SFMBT2: variants seen among roughly 807,000 people sequenced by gnomAD.
SFMBT2 encodes Scm like with four mbt domains 2.
SFMBT2 carries 38 observed loss-of-function variants against 110.1 expected under a neutral mutation model. The ratio of observed to expected loss-of-function variants is 0.35; its 90% CI spans 0.27 to 0.45. The LOEUF (loss-of-function observed/expected upper bound fraction) is 0.45, where lower values mean the gene tolerates loss of function less well. Ranked by LOEUF, SFMBT2 falls within the 20% of genes least tolerant of loss-of-function variation. SFMBT2 has a pLI of 1.00. For missense variants in SFMBT2, 1,011 were observed against 1,094.9 expected (o/e 0.92, Z 1.08); for synonymous variants, 425 against 425.4 (o/e 1.00, Z 0.01).
At chr10:7,315,353 T>A (rs919392692) in intron 4 of SFMBT2, among the ~76,000 whole-genome samples, 2 of 152,022 alleles carry the variant, frequency 1.3e-5, no homozygotes, top group African/African-American at 4.8e-5. Context: ...AGAACAAGAG[T>A]CTGATCCACC....
At chr10:7,225,742 C>T (rs1385150676) in intron 10 of SFMBT2, among the ~76,000 whole-genome samples, 1 of 152,088 alleles carries the variant, frequency 6.6e-6, no homozygotes, top group Non-Finnish European at 1.5e-5. Context: ...AGAAATCACT[C>T]TTTAAATATA....
intron 11 of SFMBT2, among the ~76,000 whole-genome samples, chr10:7,210,142 A>G (rs1839290826): frequency 6.6e-6 from 1 of 152,178 alleles, no homozygotes; most frequent in South Asian, 2.1e-4. Flanking sequence ...AGCAGGACAC[A>G]GAGGTCTACC....
intron 4 of SFMBT2, among the ~76,000 whole-genome samples, chr10:7,331,923 T>C (rs1190315687): frequency 1.4e-5 from 2 of 147,976 alleles, no homozygotes; most frequent in Non-Finnish European, 3.0e-5. Flanking sequence ...GGCATGAGAA[T>C]CGCTTGAAGC....
intron 12 of SFMBT2, chr10:7,203,189 T>A: frequency 2.3e-6 from 2 of 865,366 alleles, no homozygotes; most frequent in Non-Finnish European, 2.8e-6. Flanking sequence ...ACAAAACTTC[T>A]AAAGCTGCTA....
chr10:7,392,647 TCA>T (rs1013488504), intron 1 of SFMBT2, among the ~76,000 whole-genome samples: 22 of 152,224 alleles, frequency 1.4e-4, no homozygotes, highest in African/African-American at 5.3e-4. Flanking sequence ...TTATTTTATC[TCA>T]CAAAACTATT....
At chr10:7,331,586 G>A (rs528357205) in intron 4 of SFMBT2, among the ~76,000 whole-genome samples, 7 of 152,170 alleles carry the variant, frequency 4.6e-5, no homozygotes, top group South Asian at 2.1e-4. Context: ...CACCACTGCC[G>A]CCCTGTCCAC....
At chr10:7,190,994 T>C (rs1179115969) in intron 15 of SFMBT2, among the ~76,000 whole-genome samples, 1 of 152,206 alleles carries the variant, frequency 6.6e-6, no homozygotes, top group Non-Finnish European at 1.5e-5. Context: ...CCTTTTTGCT[T>C]GGCTCCCATT....
intron 4 of SFMBT2, among the ~76,000 whole-genome samples, chr10:7,353,585 T>C (rs766052112): frequency 1.6e-4 from 24 of 152,088 alleles, no homozygotes; most frequent in Non-Finnish European, 3.2e-4. Flanking sequence ...CTTGTTCATA[T>C]ACCCCCCATA....
intron 1 of SFMBT2, among the ~76,000 whole-genome samples, chr10:7,382,930 C>A (rs759836017): frequency 2.0e-5 from 3 of 152,142 alleles, no homozygotes; most frequent in Non-Finnish European, 4.4e-5. Context: ...CCAGGAGATA[C>A]CAGGAGTAAT....
At chr10:7,342,440 G>C (rs373304458) in intron 4 of SFMBT2, among the ~76,000 whole-genome samples, 2 of 109,560 alleles carry the variant, frequency 1.8e-5, no homozygotes, top group Non-Finnish European at 3.4e-5. Context: ...ACAGAGTCTC[G>C]CTCTGTCGCC....
intron 11 of SFMBT2, among the ~76,000 whole-genome samples, chr10:7,215,114 A>G (rs1839489562): frequency 6.6e-6 from 1 of 152,216 alleles, no homozygotes; most frequent in South Asian, 2.1e-4. Context: ...AAAACAGAGA[A>G]AACAGGCTGG....
chr10:7,338,907 G>C (rs1369938777), intron 4 of SFMBT2, among the ~76,000 whole-genome samples: 3 of 152,078 alleles, frequency 2.0e-5, no homozygotes. Context: ...CTGCTGTTCA[G>C]GTACAGGACG....
intron 4 of SFMBT2, among the ~76,000 whole-genome samples, chr10:7,302,464 A>T (rs893242047): frequency 3.3e-5 from 5 of 152,246 alleles, no homozygotes; most frequent in Non-Finnish European, 5.9e-5. Context: ...CACAGCTCCA[A>T]ACGTGGCTGT....
intron 7 of SFMBT2, among the ~76,000 whole-genome samples, chr10:7,276,310 T>C (rs1343714419): frequency 6.6e-6 from 1 of 152,236 alleles, no homozygotes; most frequent in Non-Finnish European, 1.5e-5. Flanking sequence ...TATTTCCTTT[T>C]GTTTCTGTAG....
intron 20 of SFMBT2, among the ~76,000 whole-genome samples, chr10:7,169,160 T>C (rs1837794170): frequency 6.6e-6 from 1 of 152,034 alleles, no homozygotes; most frequent in South Asian, 2.1e-4. Context: ...GAGACAGGGT[T>C]TTGCCACGTT....
chr10:7,229,104 C>T (rs1302388448), intron 9 of SFMBT2, among the ~76,000 whole-genome samples: 1 of 152,160 alleles, frequency 6.6e-6, no homozygotes, highest in African/African-American at 2.4e-5. Context: ...ATTGACAGTG[C>T]TCTCTGTTGG....
intron 9 of SFMBT2, among the ~76,000 whole-genome samples, chr10:7,228,725 TTCTTTCTTTCCTTTC>T (rs1839996276): frequency 2.3e-4 from 25 of 108,538 alleles, no homozygotes; most frequent in African/African-American, 5.1e-4. Context: ...CTTTCTTTCT[TTCTTTCTTTCCTTTC>T]TCTCTCTCTC....
At chr10:7,340,539 C>A (rs1843861784) in intron 4 of SFMBT2, among the ~76,000 whole-genome samples, 1 of 151,320 alleles carries the variant, frequency 6.6e-6, no homozygotes, top group Non-Finnish European at 1.5e-5. Flanking sequence ...AATGTTACAA[C>A]CAACAGGCTC....
chr10:7,217,655 G>A (rs1327835299), intron 11 of SFMBT2, among the ~76,000 whole-genome samples: 1 of 152,204 alleles, frequency 6.6e-6, no homozygotes, highest in African/African-American at 2.4e-5. Flanking sequence ...AAAAAGGACT[G>A]GAAATGAATA....
Sources: gnomAD v4.1 joint callset for allele counts (sites outside exome capture counted in the v4.1 genomes callset) on GRCh38, gnomAD v4.1.1 for gene constraint, MANE v1.5 for transcripts, NCBI Gene and HGNC (gene_info 2026-07-23, HGNC 2026-07-21) for gene names.